The following CCDC66 variants were observed in gnomAD, a reference collection of about 807,000 sequenced individuals.
The protein encoded by CCDC66 is coiled-coil domain containing 66, also known as coiled-coil domain-containing protein 66.
Under a neutral mutation model 128.3 loss-of-function variants are expected in CCDC66, and 133 were observed. That is an observed-to-expected ratio of 1.04 (90% CI 0.90 to 1.20). The LOEUF (loss-of-function observed/expected upper bound fraction) is 1.20. Among genes scored for constraint, CCDC66 ranks in the 50% most tolerant of loss-of-function variants. CCDC66 has a pLI of 0.00. For missense variants in CCDC66, 1,126 were observed against 1,075.5 expected (o/e 1.05, Z -0.66); for synonymous variants, 387 against 357.0 (o/e 1.08, Z -0.95).
At chr3:56,565,735 C>T (rs1393170918) in intron 4 of CCDC66, among the ~76,000 whole-genome samples, 6 of 149,930 alleles carry the variant, frequency 4.0e-5, no homozygotes, top group Non-Finnish European at 8.9e-5. Flanking sequence ...GGTGCGATCT[C>T]GGCTCACTGC....
chr3:56,619,913 T>C lies in CCDC66; in HGVS notation c.2760+12T>C. 1 of 1,613,202 alleles carries C rather than the reference T, an allele frequency of 6.2e-7. No individual in the cohort carries two copies. Among genetic ancestry groups the C allele is most frequent in the Non-Finnish European group, 8.5e-7 (1 of 1,179,590 alleles). On this transcript the variant is annotated intron_variant, in intron 17 of 17. Transcript: ENST00000394672. ...CAGAACTGAGACAGGTATGAGCTTT[T>C]TCAAGTGTAGATATGTCTGTTCTTT...
chr3:56,567,769 T>C (rs2066065108), intron 6 of CCDC66, among the ~76,000 whole-genome samples: 1 of 151,628 alleles, frequency 6.6e-6, no homozygotes, highest in Non-Finnish European at 1.5e-5. Context: ...CTCGGCTCAC[T>C]GCAAGCTCCA....
intron 7 of CCDC66, among the ~76,000 whole-genome samples, chr3:56,586,552 A>G (rs971971377): frequency 6.6e-6 from 1 of 151,522 alleles, no homozygotes; most frequent in African/African-American, 2.4e-5. Context: ...AGAAAAAAAG[A>G]AAACTAAAGT....
chr3:56,578,492 T>C (rs2067768171), intron 7 of CCDC66, among the ~76,000 whole-genome samples: 1 of 151,870 alleles, frequency 6.6e-6, no homozygotes, highest in Admixed American at 6.6e-5. Context: ...ATGCCGTTTT[T>C]CAAAGGGAAC....
At chr3:56,615,684 TTAA>T (rs1472476774) in intron 12 of CCDC66, among the ~76,000 whole-genome samples, 1 of 152,212 alleles carries the variant, frequency 6.6e-6, no homozygotes, top group Admixed American at 6.5e-5. Context: ...TTAAAATGTG[TTAA>T]TGTTAAAATA....
rs1252450581 is a variant in CCDC66 at position 56,557,249 on chromosome 3, T to G, written c.7T>G (p.Leu3Val). 1 of 756,234 alleles carries G rather than the reference T, an allele frequency of 1.3e-6. No individual in the cohort carries two copies. Among genetic ancestry groups the G allele is most frequent in the Non-Finnish European group, 2.0e-6 (1 of 498,530 alleles). The allele number at this position is 756,234 out of a possible 1,614,324, so 46.8% of individuals were successfully genotyped here. A position where few individuals can be genotyped will look rare whatever the true frequency, so the allele number is the denominator to read the frequency against. Residue 3 changes from leucine (L) to valine (V), a missense_variant, in exon 1 of 18, where the codon TTG becomes GTG. Transcript: ENST00000394672. The stretch of plus-strand genomic sequence containing the variant: ...GAGAGTGCGAGGTCAGGCCATGAAC[T>G]TGGGGTAAGCAGGGGTAAGCTGGGG... MN[L>V]GDGLKLETEL...
At chr3:56,588,845 T>C (rs2070322017) in intron 7 of CCDC66, among the ~76,000 whole-genome samples, 1 of 152,212 alleles carries the variant, frequency 6.6e-6, no homozygotes, top group Non-Finnish European at 1.5e-5. Context: ...ATGAAAATAT[T>C]ACATATCAAA....
chr3:56,564,595 C>CT (rs2065541731), intron 4 of CCDC66, among the ~76,000 whole-genome samples: 1 of 152,034 alleles, frequency 6.6e-6, no homozygotes, highest in Admixed American at 6.6e-5. Context: ...AATGGCAGTA[C>CT]TTTTTTTAAA....
chr3:56,609,572 A>G (rs961918366), intron 10 of CCDC66, among the ~76,000 whole-genome samples: 2 of 152,152 alleles, frequency 1.3e-5, no homozygotes, highest in Middle Eastern at 3.2e-3. Context: ...TTTACATTCA[A>G]TGTTAATATT....
intron 6 of CCDC66, among the ~76,000 whole-genome samples, chr3:56,567,528 A>G (rs569196477): frequency 1.3e-5 from 2 of 152,360 alleles, no homozygotes; most frequent in African/African-American, 4.8e-5. Context: ...ATTTATTAAC[A>G]TGCATGGAAG....
At chr3:56,582,854 TA>T (rs2068665050) in intron 7 of CCDC66, among the ~76,000 whole-genome samples, 3 of 110,262 alleles carry the variant, frequency 2.7e-5, no homozygotes, top group East Asian at 4.1e-4. Context: ...CTTTCTTTAT[TA>T]TTATTATTAT....
intron 3 of CCDC66, chr3:56,561,127 T>A (rs902713271): frequency 4.5e-6 from 2 of 441,776 alleles, no homozygotes; most frequent in Admixed American, 2.5e-5. Flanking sequence ...TTGTATGTTA[T>A]TCCTACCCCT....
At chr3:56,616,726 C>T (rs1429857222) in intron 13 of CCDC66, 1 of 168,710 alleles carries the variant, frequency 5.9e-6, no homozygotes, top group Non-Finnish European at 1.3e-5. Context: ...CCACCAAACT[C>T]TTCTCCAAAG....
rs758075547 is a variant in CCDC66 at position 56,618,125 on chromosome 3, T to C, written c.2338-47T>C. 7 of 1,425,648 alleles carry C rather than the reference T, an allele frequency of 4.9e-6. No homozygotes were observed. In the African/African-American group the frequency reaches 9.9e-5, roughly 20 times the overall value. The allele number at this position is 1,425,648 out of a possible 1,614,324, so 88.3% of individuals were successfully genotyped here. A position where few individuals can be genotyped will look rare whatever the true frequency, so the allele number is the denominator to read the frequency against. On this transcript the variant is annotated intron_variant, in intron 14 of 17. Transcript: ENST00000394672. The stretch of plus-strand genomic sequence containing the variant: ...CCCTAAAAATATTTGTGGGGACATG[T>C]GAAGATGCTATATATTCCTTTCTGC...
In CCDC66 at chr3:56,566,992, G is replaced by A. The variant is rs761995557; in HGVS notation, c.753G>A (p.Gly251=). The part of the protein sequence containing the change: ...WKPADIFSTL[G]ERECDRSSLE... ...CAGCTGATATATTCAGTACTCTGGG[G>A]GAAAGGGAATGTGATAGAAGTTCGT... Residue 251 remains glycine (G), a synonymous_variant, in exon 6 of 18, where the codon GGG becomes GGA. Coordinates refer to ENST00000394672, the MANE Select transcript of CCDC66 (RefSeq NM_001141947.3). The A allele has an allele frequency of 3.1e-6, 5 of 1,614,112 alleles. No individual in the cohort carries two copies. The highest frequency in any genetic ancestry group is 3.3e-5 in the Admixed American group (2 of 60,018).
At chr3:56,621,183 C>G (rs554953089) in intron 17 of CCDC66, 2 of 151,150 alleles carry the variant, frequency 1.3e-5, no homozygotes, top group Admixed American at 6.8e-5. Context: ...ACAACAACAA[C>G]AAAAAAAAAA....
At chr3:56,605,659 G>A (rs2107213173) in intron 10 of CCDC66, among the ~76,000 whole-genome samples, 1 of 152,136 alleles carries the variant, frequency 6.6e-6, no homozygotes, top group South Asian at 2.1e-4. Context: ...TCCCAGAGGG[G>A]CACCCGTCAC....
Position 56,621,767 on chromosome 3 carries a change from G to A in CCDC66, c.*149G>A, listed in dbSNP as rs1040280255. 10 of 270,738 alleles carry A rather than the reference G, an allele frequency of 3.7e-5. No individual in the cohort carries two copies. Among genetic ancestry groups the A allele is most frequent in the African/African-American group, 2.4e-4 (10 of 41,324 alleles). The allele number at this position is 270,738 out of a possible 1,614,324, so 16.8% of individuals were successfully genotyped here. ...CTTGTATACTATGTAGTAAAATGCT[G>A]TACTTGTTCTATACAATAAAACAGA... On this transcript the variant is annotated 3_prime_UTR_variant, in exon 18 of 18. Coordinates refer to ENST00000394672, the MANE Select transcript of CCDC66 (RefSeq NM_001141947.3).
At position 56,617,232 on chromosome 3, in the gene CCDC66, C is replaced by A. The variant is rs752414962; in HGVS notation, c.1964C>A (p.Thr655Asn). Residue 655 changes from threonine to asparagine, a missense_variant, in exon 14 of 18, where the codon ACC (threonine) becomes AAC (asparagine). Transcript: ENST00000394672. ...GCAGAACTTATTGGACAGTTTAGCACCAAGAAAAACAAGCAAGAACTAACT... is the reference window on the plus strand; with the variant it reads ...GCAGAACTTATTGGACAGTTTAGCAACAAGAAAAACAAGCAAGAACTAACT... ...ISAELIGQFS[T>N]KKNKQELTQD... is the part of the protein sequence containing the mutation. 2 of 1,613,208 alleles carry A rather than the reference C, an allele frequency of 1.2e-6. No homozygotes were observed. The highest frequency in any genetic ancestry group is 1.7e-6 in the Non-Finnish European group (2 of 1,179,856).
Sources: gnomAD v4.1 joint callset for allele counts (sites outside exome capture counted in the v4.1 genomes callset) on GRCh38, gnomAD v4.1.1 for gene constraint, MANE v1.5 for transcripts, NCBI Gene and HGNC (gene_info 2026-07-23, HGNC 2026-07-21) for gene names.